SHISA9: variants seen among roughly 807,000 people sequenced by gnomAD.
SHISA9 encodes the protein shisa family member 9.
In SHISA9, 13 loss-of-function variants were observed where a neutral mutation model predicts 38.0. The ratio of observed to expected loss-of-function variants is 0.34; its 90% CI spans 0.22 to 0.54. The LOEUF is 0.54. Ranked by LOEUF, SHISA9 falls within the 20% of genes least tolerant of loss-of-function variation. The probability of loss-of-function intolerance (pLI) is 0.91; values close to 1 mark genes in which losing one functional copy is unlikely to be tolerated. For missense variants in SHISA9, 538 were observed against 575.8 expected, an observed-to-expected ratio of 0.93 and a Z score of 0.67; for synonymous variants, 275 against 242.0, an observed-to-expected ratio of 1.14 and a Z score of -1.27.
Position 13,109,233 on chromosome 16 carries a change from C to T in SHISA9, c.692-94161C>T, listed in dbSNP as rs562613043. On this transcript the variant is annotated intron_variant, in intron 2 of 4. Transcript: ENST00000558583. Reference sequence around the variant, plus strand: ...TGTAGGGATGGGTTTGCTGTGTTACCCAGGGTGACCTTGAACTCCTGGGCT... The same window carrying T: ...TGTAGGGATGGGTTTGCTGTGTTACTCAGGGTGACCTTGAACTCCTGGGCT... Among the ~76,000 whole-genome samples, 19 of 152,002 alleles carry T rather than the reference C, an allele frequency of 1.2e-4. No individual in the cohort carries two copies. The East Asian group carries it at 1.7e-3, about 14-fold the overall frequency.
the SHISA9 span, among the ~76,000 whole-genome samples, chr16:13,388,561 C>A: frequency 2.6e-5 from 4 of 152,130 alleles, no homozygotes; most frequent in Non-Finnish European, 5.9e-5. Flanking sequence ...TCTCGGCCTC[C>A]CAAAGTGCTG....
At chr16:13,196,087 CAAAAAAAAAAAAAAA>C (rs1172680715) in intron 2 of SHISA9, among the ~76,000 whole-genome samples, 3 of 14,122 alleles carry the variant, frequency 2.1e-4, no homozygotes, top group Non-Finnish European at 3.4e-4. Context: ...GACTCTCTCT[CAAAAAAAAAAAAAAA>C]AAAAAAAAAA....
chr16:13,068,613 G>C (rs2073462272), intron 2 of SHISA9, among the ~76,000 whole-genome samples: 2 of 152,332 alleles, frequency 1.3e-5, no homozygotes, highest in African/African-American at 4.8e-5. Flanking sequence ...ACGTGATTCT[G>C]AGCCATGGCT....
At chr16:13,389,155 G>C in the SHISA9 span, among the ~76,000 whole-genome samples, 1 of 152,150 alleles carries the variant, frequency 6.6e-6, no homozygotes, top group African/African-American at 2.4e-5. Flanking sequence ...ATAATGATGT[G>C]TATTTACCAT....
chr16:13,196,246 A>T (rs2050939443), intron 2 of SHISA9, among the ~76,000 whole-genome samples: 1 of 150,088 alleles, frequency 6.7e-6, no homozygotes, highest in Admixed American at 6.7e-5. Flanking sequence ...AAATACAAAA[A>T]ATTAGCTGGG....
At chr16:13,435,410 G>C in the SHISA9 span, among the ~76,000 whole-genome samples, 1 of 152,222 alleles carries the variant, frequency 6.6e-6, no homozygotes, top group African/African-American at 2.4e-5. Context: ...AGTAAACTAT[G>C]TCACAAGAAA....
the SHISA9 span, among the ~76,000 whole-genome samples, chr16:13,442,148 ACT>A: frequency 1.4e-3 from 210 of 151,754 alleles, no homozygotes; most frequent in Non-Finnish European, 2.4e-3. Flanking sequence ...CAGAAATATA[ACT>A]CTTCTGTTAG....
chr16:13,203,410 C>A lies in SHISA9; in HGVS notation c.708C>A (p.Asn236Lys), dbSNP rs776692227. ...PINNLHATQM[N>K]NAVPTSPLLQ... ...CACTTCCAGATGCCACCCAGATGAA[C>A]AACGCAGTGCCCACCTCTCCTCTGC... The change falls in exon 3 of 5, where the codon AAC (asparagine) becomes AAA (lysine). Residue 236 changes from asparagine to lysine, a missense_variant. Physicochemically the swap from Asn to Lys is moderately conservative, Grantham distance 94. Transcript: ENST00000558583. The A allele has an allele frequency of 6.5e-7, 1 of 1,536,364 alleles. No individual in the cohort carries two copies. Among genetic ancestry groups the A allele is most frequent in the South Asian group, 1.2e-5 (1 of 81,252 alleles).
At chr16:13,258,096 A>G in the SHISA9 span, among the ~76,000 whole-genome samples, 1 of 152,178 alleles carries the variant, frequency 6.6e-6, no homozygotes, top group African/African-American at 2.4e-5. Context: ...TGTATTCTTG[A>G]CACCATTTAG....
At chr16:13,547,789 C>G in the SHISA9 span, among the ~76,000 whole-genome samples, 4 of 152,032 alleles carry the variant, frequency 2.6e-5, no homozygotes, top group South Asian at 4.2e-4. Flanking sequence ...AATGTTAATA[C>G]TACCTAAAGT....
At chr16:13,539,317 TAAAGACAGG>T in the SHISA9 span, among the ~76,000 whole-genome samples, 1,137 of 36,010 alleles carry the variant, frequency 0.032, 96 homozygotes, top group East Asian at 0.079. Context: ...TATATATATA[TAAAGACAGG>T]ATCTTTATAT....
the SHISA9 span, among the ~76,000 whole-genome samples, chr16:13,402,743 T>C: frequency 1.3e-5 from 2 of 152,132 alleles, no homozygotes; most frequent in Non-Finnish European, 2.9e-5. Context: ...CCAGGAATAA[T>C]GTTTTACCAG....
chr16:13,141,340 C>A (rs974255315), intron 2 of SHISA9, among the ~76,000 whole-genome samples: 1 of 152,104 alleles, frequency 6.6e-6, no homozygotes, highest in Non-Finnish European at 1.5e-5. Flanking sequence ...ACCCTACACA[C>A]AATCTCAATG....
the SHISA9 span, among the ~76,000 whole-genome samples, chr16:13,381,668 TA>T: frequency 1.3e-5 from 2 of 152,152 alleles, no homozygotes; most frequent in Non-Finnish European, 2.9e-5. Context: ...TCATTTACTG[TA>T]AAAAAACCTA....
At chr16:13,244,018 G>A (rs934049471), downstream of SHISA9, among the ~76,000 whole-genome samples, 6 of 151,910 alleles carry the variant, frequency 3.9e-5, no homozygotes, top group Non-Finnish European at 5.9e-5. Flanking sequence ...TGATCCACCC[G>A]CTTTGGCCTC....
At chr16:13,028,972 G>T (rs1447833490) in intron 2 of SHISA9, among the ~76,000 whole-genome samples, 1 of 152,140 alleles carries the variant, frequency 6.6e-6, no homozygotes, top group African/African-American at 2.4e-5. Flanking sequence ...GAAGACTGAG[G>T]AATGGATGCA....
At chr16:13,516,054 G>C in the SHISA9 span, among the ~76,000 whole-genome samples, 3 of 152,100 alleles carry the variant, frequency 2.0e-5, no homozygotes, top group African/African-American at 4.8e-5. Flanking sequence ...CCTTCCAATT[G>C]CATGGTAGGC....
chr16:13,330,038 TACTC>T, the SHISA9 span, among the ~76,000 whole-genome samples: 1 of 152,356 alleles, frequency 6.6e-6, no homozygotes, highest in South Asian at 2.1e-4. Context: ...AGCCATGGCT[TACTC>T]ATCTCTGCAG....
chr16:13,353,113 T>C, the SHISA9 span, among the ~76,000 whole-genome samples: 4 of 152,066 alleles, frequency 2.6e-5, no homozygotes, highest in Admixed American at 6.6e-5. Context: ...GAATGGACGA[T>C]GTTTCTCAGG....
Sources: gnomAD v4.1 joint callset for allele counts (sites outside exome capture counted in the v4.1 genomes callset) on GRCh38, gnomAD v4.1.1 for gene constraint, MANE v1.5 for transcripts, NCBI Gene and HGNC (gene_info 2026-07-23, HGNC 2026-07-21) for gene names.